The following DLGAP2 variants were observed in gnomAD, a reference collection of about 807,000 sequenced individuals.
The protein encoded by DLGAP2 is DLG associated protein 2, also known as disks large-associated protein 2.
A neutral mutation model predicts 100.3 loss-of-function variants in DLGAP2; 26 were observed. The ratio of observed to expected loss-of-function variants is 0.26; its 90% CI spans 0.19 to 0.36. The LOEUF is 0.36. DLGAP2 is among the 10% of genes least tolerant of loss of function. The probability of loss-of-function intolerance (pLI) is 1.00; values close to 1 mark genes in which losing one functional copy is unlikely to be tolerated. For synonymous variants in DLGAP2, 886 were observed against 630.1 expected (o/e 1.41, Z -6.08); for missense variants, 1,858 against 1,453.2 (o/e 1.28, Z -4.53).
At chr8:1,517,433 C>T (rs997067395) in intron 4 of DLGAP2, among the ~76,000 whole-genome samples, 1 of 152,100 alleles carries the variant, frequency 6.6e-6, no homozygotes, top group African/African-American at 2.4e-5. Flanking sequence ...CAACACCTTA[C>T]GTCTCAGGGC....
At chr8:1,428,923 G>T (rs530323553) in intron 3 of DLGAP2, among the ~76,000 whole-genome samples, 2 of 152,214 alleles carry the variant, frequency 1.3e-5, no homozygotes, top group East Asian at 3.9e-4. Context: ...TATCTAGGGT[G>T]AGCCATCCTT....
chr8:1,196,740 G>A (rs1016197477), intron 2 of DLGAP2, among the ~76,000 whole-genome samples: 10 of 152,208 alleles, frequency 6.6e-5, no homozygotes, highest in Admixed American at 5.2e-4. Flanking sequence ...TCCAGTAGCT[G>A]CAGTAGGAGC....
At chr8:1,537,379 AGTTTTT>A (rs1373805466) in intron 4 of DLGAP2, among the ~76,000 whole-genome samples, 94 of 152,224 alleles carry the variant, frequency 6.2e-4, no homozygotes, top group African/African-American at 1.8e-3. Flanking sequence ...AGGCCATGAC[AGTTTTT>A]ATGTCATTAA....
chr8:1,650,987 T>A (rs1009035684), intron 8 of DLGAP2, among the ~76,000 whole-genome samples: 2 of 152,202 alleles, frequency 1.3e-5, no homozygotes, highest in African/African-American at 2.4e-5. Context: ...GCTTCTCATG[T>A]CTGCCTCCAG....
chr8:1,191,449 C>T (rs941126751), intron 2 of DLGAP2, among the ~76,000 whole-genome samples: 29 of 152,246 alleles, frequency 1.9e-4, no homozygotes, highest in Non-Finnish European at 2.5e-4. Flanking sequence ...GGATTATAGG[C>T]GTGAGCCACC....
intron 1 of DLGAP2, among the ~76,000 whole-genome samples, chr8:859,156 G>A (rs1797342099): frequency 6.7e-6 from 1 of 150,218 alleles, no homozygotes; most frequent in Non-Finnish European, 1.5e-5. Flanking sequence ...CTATTGCCCA[G>A]GCTGGAGTGC....
chr8:1,163,304 G>C (rs1796927839), intron 2 of DLGAP2, among the ~76,000 whole-genome samples: 1 of 152,246 alleles, frequency 6.6e-6, no homozygotes, highest in Admixed American at 6.5e-5. Flanking sequence ...GACCACGCGG[G>C]CTGTGCCGCA....
intron 6 of DLGAP2, among the ~76,000 whole-genome samples, chr8:1,587,197 G>C (rs1486410013): frequency 6.6e-6 from 1 of 152,214 alleles, no homozygotes; most frequent in Non-Finnish European, 1.5e-5. Context: ...TCTCTTTGCA[G>C]AAATCCATTG....
At position 1,057,430 on chromosome 8, in the gene DLGAP2, T is replaced by C. The variant is rs182193116; in HGVS notation, c.73+149464T>C. Among the ~76,000 whole-genome samples, 124 of 152,344 alleles carry C rather than the reference T, an allele frequency of 8.1e-4. 1 individual carries two copies. Among genetic ancestry groups the C allele is most frequent in the African/African-American group, 2.8e-3 (117 of 41,560 alleles). ...CATTTTACTAAATCATTATTCACAT[T>C]AGGGTTATGCACACAAGGGCTAAGT... is the stretch of plus-strand genomic sequence containing the variant. On this transcript the variant is annotated intron_variant, in intron 2 of 14. Coordinates refer to ENST00000637795, the MANE Select transcript of DLGAP2 (RefSeq NM_001346810.2).
intron 2 of DLGAP2, among the ~76,000 whole-genome samples, chr8:1,114,462 C>G (rs1159275618): frequency 6.6e-6 from 1 of 152,068 alleles, no homozygotes; most frequent in Non-Finnish European, 1.5e-5. Flanking sequence ...TCCATCTCTT[C>G]TAGGTTTTCT....
chr8:1,306,612 T>G (rs1394660946), intron 3 of DLGAP2, among the ~76,000 whole-genome samples: 1 of 152,156 alleles, frequency 6.6e-6, no homozygotes, highest in Non-Finnish European at 1.5e-5. Flanking sequence ...AGAACTAAGT[T>G]GGAGTCTCAC....
chr8:1,257,493 G>C (rs888438003), intron 2 of DLGAP2, among the ~76,000 whole-genome samples: 59 of 141,076 alleles, frequency 4.2e-4, no homozygotes, highest in African/African-American at 1.5e-3. Context: ...TGTCCACCTT[G>C]TCCGTGCCTT....
chr8:1,560,080 A>G (rs73671212), intron 5 of DLGAP2, among the ~76,000 whole-genome samples: 1,727 of 152,348 alleles, frequency 0.011, 34 homozygotes, highest in African/African-American at 0.04. Flanking sequence ...AATTAAAAAT[A>G]AGGGTGTTTA....
chr8:1,282,346 A>G (rs1291310245), intron 3 of DLGAP2, among the ~76,000 whole-genome samples: 2 of 137,688 alleles, frequency 1.5e-5, no homozygotes, highest in Non-Finnish European at 3.1e-5. Context: ...AGCGCCCTGA[A>G]CCATCTGGAC....
intron 3 of DLGAP2, among the ~76,000 whole-genome samples, chr8:1,455,754 C>A (rs1465783197): frequency 6.6e-6 from 1 of 152,208 alleles, no homozygotes; most frequent in African/African-American, 2.4e-5. Flanking sequence ...CACTTCCTGA[C>A]CCTCACCCCA....
intron 2 of DLGAP2, among the ~76,000 whole-genome samples, chr8:967,191 C>T (rs1439591530): frequency 1.3e-5 from 2 of 152,250 alleles, no homozygotes; most frequent in Non-Finnish European, 2.9e-5. Flanking sequence ...TGTGCTCATA[C>T]ACTGTACACG....
chr8:793,995 C>T (rs1431077990), intron 1 of DLGAP2, among the ~76,000 whole-genome samples: 1 of 152,122 alleles, frequency 6.6e-6, no homozygotes, highest in Non-Finnish European at 1.5e-5. Flanking sequence ...TCCTTTTGGC[C>T]TGTGGGTGGG....
chr8:1,511,902 G>A (rs140330084), intron 4 of DLGAP2, among the ~76,000 whole-genome samples: 2 of 152,228 alleles, frequency 1.3e-5, no homozygotes, highest in African/African-American at 4.8e-5. Context: ...GAAACATTAG[G>A]CTCCAAGTCT....
intron 2 of DLGAP2, among the ~76,000 whole-genome samples, chr8:1,161,884 CGAA>C (rs1796897088): frequency 6.6e-6 from 1 of 152,216 alleles, no homozygotes; most frequent in South Asian, 2.1e-4. Flanking sequence ...AGCACAAGCT[CGAA>C]GGAGACGTGG....
Sources: gnomAD v4.1 joint callset for allele counts (sites outside exome capture counted in the v4.1 genomes callset) on GRCh38, gnomAD v4.1.1 for gene constraint, MANE v1.5 for transcripts, NCBI Gene and HGNC (gene_info 2026-07-23, HGNC 2026-07-21) for gene names.